Variants in FAM9A observed in about 807,000 individuals in gnomAD.
FAM9A encodes family with sequence similarity 9 member A.
Under a neutral mutation model 25.0 loss-of-function variants are expected in FAM9A, and 49 were observed. The observed-to-expected ratio is 1.96, with a 90% CI of 1.56 to 2.48. FAM9A has a LOEUF of 2.48. Among genes scored for constraint, FAM9A ranks in the 30% most tolerant of loss-of-function variants. FAM9A has a pLI of 0.00. For missense variants in FAM9A, 266 were observed against 249.3 expected (o/e 1.07, Z -0.45); for synonymous variants, 80 against 85.1 (o/e 0.94, Z 0.33).
At chrX:8,791,697 A>T (rs193189276) in intron 8 of FAM9A, among the ~76,000 whole-genome samples, 18 of 111,856 alleles carry the variant, frequency 1.6e-4, no homozygotes, top group Admixed American at 8.6e-4. Flanking sequence ...CATGAAATAT[A>T]TTTTTTCAGC....
chrX:8,791,130 AACAGAGGTTG>A lies in FAM9A; in HGVS notation c.*64_*73del. 1 of 400,996 alleles carries A rather than the reference AACAGAGGTTG, an allele frequency of 2.5e-6. No homozygotes were observed. The highest frequency in any genetic ancestry group is 4.3e-6 in the Non-Finnish European group (1 of 230,391). 33.0% of individuals were successfully genotyped at this position (400,996 alleles called of 1,213,427 possible). Reference sequence around the variant, plus strand: ...AAGTTCTTTCTTCAGTCATCAGAATAACAGAGGTTGAAGAGACAATGAAGTGCCAACTCTT... The same window carrying A: ...AAGTTCTTTCTTCAGTCATCAGAATAAAGAGACAATGAAGTGCCAACTCTT... On this transcript the variant is annotated 3_prime_UTR_variant, in exon 10 of 10. Coordinates refer to ENST00000381003, the MANE Select transcript of FAM9A (RefSeq NM_174951.3).
chrX:8,800,891 C>T (rs1398684134), intron 1 of FAM9A, among the ~76,000 whole-genome samples: 1 of 62,595 alleles, frequency 1.6e-5, no homozygotes, highest in East Asian at 5.1e-4. Flanking sequence ...TCCCCCAAGC[C>T]CCCCTCCCCT....
chrX:8,796,174 C>G, intron 6 of FAM9A, 94 bp downstream of exon 6: 1 of 676,613 alleles, frequency 1.5e-6, no homozygotes, highest in East Asian at 3.6e-5. Flanking sequence ...CCTAGAGACG[C>G]CAATATGTAC....
intron 1 of FAM9A, 33 bp downstream of exon 1, chrX:8,801,278 C>G (rs767760745): frequency 9.1e-6 from 1 of 110,007 alleles, no homozygotes; most frequent in East Asian, 3.0e-4. Context: ...GCCGCATGCT[C>G]GACTTCCTGC....
intron 1 of FAM9A, 49 bp from the exon 2 acceptor site, chrX:8,800,258 T>C (rs1933591812): frequency 9.4e-7 from 1 of 1,066,022 alleles, no homozygotes. Flanking sequence ...ACAGGATATG[T>C]GAAAGGAGAG....
In FAM9A at chrX:8,795,139, TCTCCTC is replaced by T. The variant is rs201085560; in HGVS notation, c.764_769del (p.Gly255_Gly256del). ...TTCCTCTTCTTCTGTTTCTTCTCCTTCTCCTCCTCCTCCTCCTTCTTCTCCTTCTTC... is the reference window on the plus strand; with the variant it reads ...TTCCTCTTCTTCTGTTTCTTCTCCTTCTCCTCCTCCTTCTTCTCCTTCTTC... On this transcript the variant is annotated inframe_deletion, in exon 7 of 10. Transcript: ENST00000381003. The T allele has an allele frequency of 4.5e-6, 5 of 1,101,833 alleles. No homozygotes were observed. The highest frequency in any genetic ancestry group is 1.8e-5 in the African/African-American group (1 of 54,146). The allele number at this position is 1,101,833 out of a possible 1,213,427, so 90.8% of individuals were successfully genotyped here. A position where few individuals can be genotyped will look rare whatever the true frequency, so the allele number is the denominator to read the frequency against.
chrX:8,795,612 C>T (rs2146939485), intron 6 of FAM9A, among the ~76,000 whole-genome samples, 192 bp from the exon 7 acceptor site: 1 of 111,884 alleles, frequency 8.9e-6, no homozygotes, highest in South Asian at 3.8e-4. Context: ...TAACTGACTA[C>T]TAGAGCAGCT....
intron 5 of FAM9A, among the ~76,000 whole-genome samples, chrX:8,797,290 G>A (rs961835885): frequency 1.2e-4 from 13 of 111,501 alleles, no homozygotes; most frequent in African/African-American, 3.6e-4. Flanking sequence ...TGTCTCCGCC[G>A]TCTCTACAGA....
intron 8 of FAM9A, among the ~76,000 whole-genome samples, chrX:8,792,292 G>A (rs1933479367): frequency 9.0e-6 from 1 of 110,854 alleles, no homozygotes; most frequent in Non-Finnish European, 1.9e-5. Context: ...GAAGGGCTAG[G>A]AAGCATTTTA....
At chrX:8,793,814 T>G (rs1933496448) in intron 7 of FAM9A, 58 bp from the exon 8 acceptor site, 2 of 777,516 alleles carry the variant, frequency 2.6e-6, no homozygotes. Flanking sequence ...TTACAAAACA[T>G]AATTCTGCAT....
chrX:8,800,000 G>T, intron 2 of FAM9A, 81 bp downstream of exon 2: 1 of 1,061,485 alleles, frequency 9.4e-7, no homozygotes, highest in Non-Finnish European at 1.3e-6. Flanking sequence ...GGACTCCAAA[G>T]CCACAAAGGG....
Position 8,795,253 on chromosome X carries a change from A to G in FAM9A, c.656T>C (p.Val219Ala), listed in dbSNP as rs1265625867. The G allele has an allele frequency of 2.6e-6, 3 of 1,160,736 alleles. No homozygotes were observed. In the African/African-American group the frequency reaches 5.6e-5, roughly 22 times the overall value. ...AAAAAAEVIV[V>A]EDEEEEEKEE... is the part of the protein sequence containing the mutation. ...CTTCTCTTCCTCCTCTTCGTCTTCTACTACTATTACTTCTGCTGCTGCTGC... is the reference window on the plus strand; with the variant it reads ...CTTCTCTTCCTCCTCTTCGTCTTCTGCTACTATTACTTCTGCTGCTGCTGC... The change falls in exon 7 of 10, where the codon GTA becomes GCA. Residue 219 changes from valine to alanine, a missense_variant. Val to Ala is a moderately conservative substitution (Grantham distance 64). Coordinates refer to ENST00000381003, the MANE Select transcript of FAM9A (RefSeq NM_174951.3).
intron 6 of FAM9A, 38 bp downstream of exon 6, chrX:8,796,230 A>G (rs764336471): frequency 9.9e-7 from 1 of 1,010,160 alleles, no homozygotes; most frequent in East Asian, 3.2e-5. Context: ...CAAAGAAATG[A>G]TATAAATATC....
chrX:8,800,508 C>A (rs1157304497), intron 1 of FAM9A, among the ~76,000 whole-genome samples: 1 of 110,444 alleles, frequency 9.1e-6, no homozygotes, highest in African/African-American at 3.3e-5. Context: ...CAGAGACCTG[C>A]GTGGCCCGGA....
Position 8,798,172 on chromosome X carries a change from G to T in FAM9A, c.351C>A (p.Thr117=). 8.3e-7 allele frequency: 1 copy of T among 1,204,698 alleles called. No homozygotes were observed. The highest frequency in any genetic ancestry group is 1.1e-6 in the Non-Finnish European group (1 of 892,154). Reference sequence around the variant, plus strand: ...TACCTGCAATATGTTCTAGCTTCATGGTATGAATCCTGTAAAAAAAGTTAC... The same window carrying T: ...TACCTGCAATATGTTCTAGCTTCATTGTATGAATCCTGTAAAAAAAGTTAC... ...AEKDEHTGIH[T]MKLEHIAADI... Residue 117 remains threonine (T), a synonymous_variant, in exon 5 of 10, where the codon ACC becomes ACA. Coordinates refer to ENST00000381003, the MANE Select transcript of FAM9A (RefSeq NM_174951.3).
At chrX:8,794,832 C>A (rs1168070889) in intron 7 of FAM9A, among the ~76,000 whole-genome samples, 1 of 112,034 alleles carries the variant, frequency 8.9e-6, no homozygotes, top group Non-Finnish European at 1.9e-5. Context: ...AAATTCCAAC[C>A]CTACAGCTGC....
Position 8,795,267 on chromosome X carries a change from T to C in FAM9A, c.642A>G (p.Ala214=). Residue 214 remains alanine (A), a synonymous_variant, in exon 7 of 10, where the codon GCA becomes GCG. Transcript: ENST00000381003. ...CTTCGTCTTCTACTACTATTACTTC[T>C]GCTGCTGCTGCTGCGGCTTCTGCTG... ...AAAAEAAAAA[A]EVIVVEDEEE... 8.7e-7 allele frequency: 1 copy of C among 1,147,111 alleles called. No homozygotes were observed. The highest frequency in any genetic ancestry group is 1.2e-6 in the Non-Finnish European group (1 of 849,061). The allele number at this position is 1,147,111 out of a possible 1,213,427, so 94.5% of individuals were successfully genotyped here. A position where few individuals can be genotyped will look rare whatever the true frequency, so the allele number is the denominator to read the frequency against.
At chrX:8,794,662 C>T (rs1277975179) in intron 7 of FAM9A, among the ~76,000 whole-genome samples, 1 of 111,470 alleles carries the variant, frequency 9.0e-6, no homozygotes, top group African/African-American at 3.3e-5. Flanking sequence ...CCGACACCCA[C>T]TGAATGGAAC....
chrX:8,800,029 C>T (rs1314323424), intron 2 of FAM9A, 52 bp downstream of exon 2: 13 of 1,169,276 alleles, frequency 1.1e-5, no homozygotes, highest in African/African-American at 1.8e-5. Flanking sequence ...TCTCGGGCTG[C>T]CCATGTGCCC....
Sources: gnomAD v4.1 joint callset for allele counts (sites outside exome capture counted in the v4.1 genomes callset) on GRCh38, gnomAD v4.1.1 for gene constraint, MANE v1.5 for transcripts, NCBI Gene and HGNC (gene_info 2026-07-23, HGNC 2026-07-21) for gene names.